CNTN4: variants seen among roughly 807,000 people sequenced by gnomAD.
CNTN4 encodes contactin 4, also known as contactin-4.
A neutral mutation model predicts 122.5 loss-of-function variants in CNTN4; 77 were observed. The observed-to-expected ratio is 0.63, with a 90% CI of 0.52 to 0.76. CNTN4 has a LOEUF of 0.76. Ranked by LOEUF, CNTN4 falls within the 30% of genes least tolerant of loss-of-function variation. The probability of loss-of-function intolerance (pLI) is 0.00; values close to 1 mark genes in which losing one functional copy is unlikely to be tolerated. For synonymous variants in CNTN4, 512 were observed against 447.0 expected, an observed-to-expected ratio of 1.15 and a Z score of -1.83; for missense variants, 1,256 against 1,259.1, an observed-to-expected ratio of 1.00 and a Z score of 0.04.
intron 4 of CNTN4, among the ~76,000 whole-genome samples, chr3:2,643,111 T>A (rs1384383045): frequency 6.6e-6 from 1 of 152,222 alleles, no homozygotes; most frequent in East Asian, 1.9e-4. Context: ...GCCCCTTTTA[T>A]CTCTATGTAT....
At chr3:2,109,766 AT>A (rs886779009) in intron 2 of CNTN4, among the ~76,000 whole-genome samples, 32 of 152,204 alleles carry the variant, frequency 2.1e-4, no homozygotes, top group Admixed American at 1.2e-3. Context: ...ATAAATACGA[AT>A]TTTTTTGTCT....
At chr3:2,473,787 C>T (rs1202473129) in intron 3 of CNTN4, among the ~76,000 whole-genome samples, 10 of 152,090 alleles carry the variant, frequency 6.6e-5, no homozygotes, top group East Asian at 1.9e-4. Context: ...CCGAGGTGGG[C>T]GGATCACTTG....
chr3:2,134,219 T>C (rs2034580652), intron 2 of CNTN4, among the ~76,000 whole-genome samples: 1 of 152,228 alleles, frequency 6.6e-6, no homozygotes, highest in Admixed American at 6.5e-5. Flanking sequence ...ATTAAGGTTA[T>C]GTATCAGAAT....
intron 3 of CNTN4, among the ~76,000 whole-genome samples, chr3:2,495,099 A>G (rs987082017): frequency 2.0e-5 from 3 of 152,198 alleles, no homozygotes. Flanking sequence ...TCTATTGCAG[A>G]GCAGCTAAAG....
chr3:2,973,645 A>G (rs1374140839), intron 13 of CNTN4, among the ~76,000 whole-genome samples: 4 of 152,200 alleles, frequency 2.6e-5, no homozygotes, highest in African/African-American at 7.2e-5. Context: ...TTTTAATCCA[A>G]TAATCAACAT....
At chr3:3,046,333 C>T (rs1700648368) in intron 23 of CNTN4, among the ~76,000 whole-genome samples, 1 of 152,118 alleles carries the variant, frequency 6.6e-6, no homozygotes, top group African/African-American at 2.4e-5. Flanking sequence ...TTGTCAGATT[C>T]ACCAAAGTCG....
chr3:2,484,919 C>T (rs1025697201), intron 3 of CNTN4, among the ~76,000 whole-genome samples: 3 of 152,158 alleles, frequency 2.0e-5, no homozygotes, highest in African/African-American at 4.8e-5. Context: ...GCGAGAGGCA[C>T]GGGCGGGAGC....
intron 2 of CNTN4, among the ~76,000 whole-genome samples, chr3:2,134,492 T>C (rs775200652): frequency 4.6e-5 from 7 of 152,188 alleles, no homozygotes; most frequent in Non-Finnish European, 8.8e-5. Flanking sequence ...TTGTGAATGA[T>C]GGTGTAATCA....
chr3:2,739,958 A>G (rs976666332), intron 5 of CNTN4, among the ~76,000 whole-genome samples: 2 of 152,076 alleles, frequency 1.3e-5, no homozygotes, highest in East Asian at 3.9e-4. Context: ...TGGCATGGGG[A>G]TTTTATCCTT....
chr3:2,212,230 C>T (rs1483956803), intron 2 of CNTN4, among the ~76,000 whole-genome samples: 1 of 152,170 alleles, frequency 6.6e-6, no homozygotes, highest in Admixed American at 6.5e-5. Flanking sequence ...CTGTCTCAGC[C>T]TCCCAAAGTG....
intron 6 of CNTN4, among the ~76,000 whole-genome samples, chr3:2,788,417 T>C (rs2091907672): frequency 6.6e-6 from 1 of 152,204 alleles, no homozygotes; most frequent in African/African-American, 2.4e-5. Context: ...TAAAATAGAA[T>C]TTGGAGATAG....
chr3:2,656,675 G>A (rs1383985756), intron 4 of CNTN4, among the ~76,000 whole-genome samples: 2 of 152,230 alleles, frequency 1.3e-5, no homozygotes, highest in Non-Finnish European at 2.9e-5. Flanking sequence ...GGAGGTCTAA[G>A]CTAATTAATT....
intron 4 of CNTN4, among the ~76,000 whole-genome samples, chr3:2,699,032 A>G (rs1297520758): frequency 1.3e-5 from 2 of 152,158 alleles, no homozygotes; most frequent in Non-Finnish European, 2.9e-5. Flanking sequence ...TTAAAAAAAA[A>G]AAAGAACCTG....
At chr3:2,371,105 T>C (rs1459390333) in intron 3 of CNTN4, among the ~76,000 whole-genome samples, 1 of 152,188 alleles carries the variant, frequency 6.6e-6, no homozygotes, top group Non-Finnish European at 1.5e-5. Flanking sequence ...GCTGATCATA[T>C]ATCCCAGATG....
intron 7 of CNTN4, among the ~76,000 whole-genome samples, chr3:2,847,503 A>G (rs2093475599): frequency 6.6e-6 from 1 of 152,244 alleles, no homozygotes; most frequent in African/African-American, 2.4e-5. Context: ...TGAAGATGGC[A>G]CATCAGGAGG....
At chr3:2,451,659 C>T (rs1199008681) in intron 3 of CNTN4, among the ~76,000 whole-genome samples, 1 of 151,966 alleles carries the variant, frequency 6.6e-6, no homozygotes, top group African/African-American at 2.4e-5. Context: ...TAAAAATAAT[C>T]ATTTTCATGC....
At chr3:2,477,223 T>G (rs1023537439) in intron 3 of CNTN4, among the ~76,000 whole-genome samples, 5 of 152,124 alleles carry the variant, frequency 3.3e-5, no homozygotes, top group Non-Finnish European at 7.4e-5. Flanking sequence ...AGAAAGGGAG[T>G]GGCAGAAAAC....
intron 6 of CNTN4, among the ~76,000 whole-genome samples, chr3:2,802,774 G>A (rs956317388): frequency 2.6e-5 from 4 of 152,030 alleles, no homozygotes; most frequent in South Asian, 2.1e-4. Context: ...GTAGACACCC[G>A]GCAGTATGGT....
chr3:2,415,807 A>T (rs1466142899), intron 3 of CNTN4, among the ~76,000 whole-genome samples: 3 of 151,500 alleles, frequency 2.0e-5, no homozygotes, highest in South Asian at 2.1e-4. Flanking sequence ...CCTTTTTTTT[A>T]AATTTGGTTT....
Sources: gnomAD v4.1 joint callset for allele counts (sites outside exome capture counted in the v4.1 genomes callset) on GRCh38, gnomAD v4.1.1 for gene constraint, MANE v1.5 for transcripts, NCBI Gene and HGNC (gene_info 2026-07-23, HGNC 2026-07-21) for gene names.